The following ZNF438 variants were observed in gnomAD, a reference collection of about 807,000 sequenced individuals.
ZNF438 encodes the protein zinc finger protein 438.
ZNF438 carries 25 observed loss-of-function variants against 38.0 expected under a neutral mutation model. The ratio of observed to expected loss-of-function variants is 0.66; its 90% CI spans 0.48 to 0.92. The LOEUF is 0.92. Ranked by LOEUF, ZNF438 falls within the 40% of genes least tolerant of loss-of-function variation. The pLI is 0.00. For synonymous variants in ZNF438, 372 were observed against 364.1 expected (o/e 1.02, Z -0.25); for missense variants, 1,007 against 999.6 (o/e 1.01, Z -0.10).
At chr10:30,871,167 G>T (rs1358793516) in intron 4 of ZNF438, among the ~76,000 whole-genome samples, 8 of 152,196 alleles carry the variant, frequency 5.3e-5, no homozygotes, top group Non-Finnish European at 1.0e-4. Flanking sequence ...AGGCAGCCCA[G>T]TGTTATTAAT....
At chr10:30,907,723 C>T (rs2042720897) in intron 3 of ZNF438, among the ~76,000 whole-genome samples, 1 of 151,862 alleles carries the variant, frequency 6.6e-6, no homozygotes, top group Admixed American at 6.6e-5. Flanking sequence ...TTCTTTTATC[C>T]TGGTTAGTCT....
At position 30,868,450 on chromosome 10, in the gene ZNF438, T is replaced by G. The variant is rs2036842466; in HGVS notation, c.37+8548A>C. On this transcript the variant is annotated intron_variant, in intron 4 of 5. Transcript: ENST00000413025. ...AAACAAAAGTAATCATAAGTTGCTC[T>G]TCCTAATTAATACAAGTTAGATGCT... Among the ~76,000 whole-genome samples the G allele has an allele frequency of 2.6e-5, 4 of 152,326 alleles. No individual in the cohort carries two copies. In the South Asian group the frequency reaches 8.3e-4, roughly 32 times the overall value.
At chr10:31,010,809 C>G (rs115650827) in intron 1 of ZNF438, among the ~76,000 whole-genome samples, 12,492 of 145,086 alleles carry the variant, frequency 0.086, 620 homozygotes, top group Non-Finnish European at 0.11. Flanking sequence ...AGGAGGATCA[C>G]TTGTGCCCAG....
chr10:30,979,498 C>T (rs2051850643), intron 1 of ZNF438, among the ~76,000 whole-genome samples: 1 of 152,182 alleles, frequency 6.6e-6, no homozygotes, highest in Non-Finnish European at 1.5e-5. Flanking sequence ...CATCATGCTA[C>T]CTGACTTCAA....
intron 1 of ZNF438, among the ~76,000 whole-genome samples, chr10:30,984,111 T>C (rs1023842157): frequency 1.3e-5 from 2 of 152,178 alleles, no homozygotes; most frequent in Non-Finnish European, 2.9e-5. Context: ...CATACTTCTA[T>C]GTCTTATAAA....
chr10:31,010,023 AT>A (rs1467341361), intron 1 of ZNF438, among the ~76,000 whole-genome samples: 1 of 151,666 alleles, frequency 6.6e-6, no homozygotes, highest in Non-Finnish European at 1.5e-5. Flanking sequence ...TAATTTTTGT[AT>A]TTTTAGTAGA....
At chr10:30,857,258 CTTT>C (rs10682942) in intron 4 of ZNF438, among the ~76,000 whole-genome samples, 1 of 135,896 alleles carries the variant, frequency 7.4e-6, no homozygotes, top group Non-Finnish European at 1.6e-5. Flanking sequence ...TCTAAAATTT[CTTT>C]TTTTTTTTTT....
intron 3 of ZNF438, among the ~76,000 whole-genome samples, chr10:30,903,445 G>A (rs1469766547): frequency 1.3e-5 from 2 of 152,198 alleles, no homozygotes; most frequent in Admixed American, 6.5e-5. Context: ...GACTTTGGCT[G>A]GCCAAGGAAA....
At chr10:30,986,302 C>T (rs1468299510) in intron 1 of ZNF438, among the ~76,000 whole-genome samples, 1 of 152,212 alleles carries the variant, frequency 6.6e-6, no homozygotes, top group African/African-American at 2.4e-5. Flanking sequence ...AGGCACATCA[C>T]AGCCTTCTTG....
chr10:30,885,896 C>T (rs142439270), intron 3 of ZNF438, among the ~76,000 whole-genome samples: 5 of 152,274 alleles, frequency 3.3e-5, no homozygotes, highest in African/African-American at 1.2e-4. Flanking sequence ...AGATGCTAGC[C>T]ATCTTCAAAT....
At chr10:30,945,737 A>AT (rs1430442908) in intron 1 of ZNF438, among the ~76,000 whole-genome samples, 1 of 127,056 alleles carries the variant, frequency 7.9e-6, no homozygotes, top group African/African-American at 3.1e-5. Flanking sequence ...TGAACTCATC[A>AT]TTTTTTATGG....
At chr10:30,970,105 T>TACAC (rs55745286) in intron 1 of ZNF438, among the ~76,000 whole-genome samples, 1,725 of 145,196 alleles carry the variant, frequency 0.012, 28 homozygotes, top group African/African-American at 0.034. Flanking sequence ...TGCTGGCTGA[T>TACAC]ACACACACAC....
At chr10:30,862,203 G>T (rs77690337) in intron 4 of ZNF438, among the ~76,000 whole-genome samples, 1 of 152,146 alleles carries the variant, frequency 6.6e-6, no homozygotes, top group Non-Finnish European at 1.5e-5. Context: ...TGGGGCTGGT[G>T]AACATGGAAA....
chr10:30,998,633 T>C (rs2054320232), intron 1 of ZNF438, among the ~76,000 whole-genome samples: 1 of 148,248 alleles, frequency 6.7e-6, no homozygotes, highest in African/African-American at 2.5e-5. Context: ...AAGACGATTA[T>C]GATCATAAGC....
At chr10:31,015,148 G>A (rs982059845) in intron 1 of ZNF438, among the ~76,000 whole-genome samples, 7 of 152,134 alleles carry the variant, frequency 4.6e-5, no homozygotes, top group Non-Finnish European at 7.3e-5. Flanking sequence ...GATTACAGGC[G>A]TGAGCTACCA....
intron 4 of ZNF438, chr10:30,875,626 C>T: frequency 1.0e-6 from 1 of 962,948 alleles, no homozygotes; most frequent in African/African-American, 1.8e-5. Context: ...AAGAAAAACA[C>T]ATGCTCTTTA....
At chr10:30,942,831 C>T (rs1410976231) in intron 1 of ZNF438, among the ~76,000 whole-genome samples, 1 of 152,204 alleles carries the variant, frequency 6.6e-6, no homozygotes, top group African/African-American at 2.4e-5. Flanking sequence ...TGCACATCTC[C>T]TAAAAGGTTT....
chr10:30,880,318 G>T (rs1231858321), intron 3 of ZNF438, among the ~76,000 whole-genome samples: 1 of 151,190 alleles, frequency 6.6e-6, no homozygotes, highest in East Asian at 1.9e-4. Flanking sequence ...GTAATTCCAG[G>T]TACTCGGGAG....
chr10:30,887,888 G>A lies in ZNF438; in HGVS notation c.-31-10823C>T, dbSNP rs553981541. ...TGATGTTTTCTGTCACTATAAATTAGTTTTGCTTGTCCTAGAATTTCCTGT... is the reference window on the plus strand; with the variant it reads ...TGATGTTTTCTGTCACTATAAATTAATTTTGCTTGTCCTAGAATTTCCTGT... On this transcript the variant is annotated intron_variant, in intron 3 of 5. Transcript: ENST00000413025. Among the ~76,000 whole-genome samples, 99 of 152,246 alleles carry A rather than the reference G, an allele frequency of 6.5e-4. 1 individual carries two copies. Among genetic ancestry groups the A allele is most frequent in the Middle Eastern group, 6.8e-3 (2 of 294 alleles).
Sources: gnomAD v4.1 joint callset for allele counts (sites outside exome capture counted in the v4.1 genomes callset) on GRCh38, gnomAD v4.1.1 for gene constraint, MANE v1.5 for transcripts, NCBI Gene and HGNC (gene_info 2026-07-23, HGNC 2026-07-21) for gene names.